Variants in LMCD1 observed in about 807,000 individuals in gnomAD.
LMCD1 encodes the protein LIM and cysteine rich domains 1.
A neutral mutation model predicts 42.7 loss-of-function variants in LMCD1; 32 were observed. That is an observed-to-expected ratio of 0.75 (90% CI 0.57 to 1.01). LMCD1 has a LOEUF of 1.01. Ranked by LOEUF, LMCD1 falls within the 50% of genes least tolerant of loss-of-function variation. The probability of loss-of-function intolerance (pLI) is 0.00; values close to 1 mark genes in which losing one functional copy is unlikely to be tolerated. For synonymous variants in LMCD1, 178 were observed against 184.9 expected (o/e 0.96, Z 0.30); for missense variants, 458 against 483.1 (o/e 0.95, Z 0.49).
At chr3:8,541,848 T>G (rs2125027851) in intron 3 of LMCD1, among the ~76,000 whole-genome samples, 1 of 152,138 alleles carries the variant, frequency 6.6e-6, no homozygotes, top group South Asian at 2.1e-4. Context: ...AGGGCTGTGT[T>G]AAGAGGGATT....
chr3:8,519,373 AT>A (rs1694158036), intron 1 of LMCD1, among the ~76,000 whole-genome samples: 1 of 152,214 alleles, frequency 6.6e-6, no homozygotes, highest in African/African-American at 2.4e-5. Context: ...CCTGGGACAT[AT>A]GGTTAAATGA....
At chr3:8,508,937 A>C (rs570586416) in intron 1 of LMCD1, among the ~76,000 whole-genome samples, 1 of 152,300 alleles carries the variant, frequency 6.6e-6, no homozygotes, top group East Asian at 1.9e-4. Flanking sequence ...GAGCCGTTAA[A>C]CACACAACAT....
In LMCD1 at chr3:8,565,567, T is replaced by C; in HGVS notation, c.859T>C (p.Tyr287His). The C allele has an allele frequency of 1.2e-6, 2 of 1,614,098 alleles. No individual in the cohort carries two copies. Among genetic ancestry groups the C allele is most frequent in the Non-Finnish European group, 1.7e-6 (2 of 1,180,002 alleles). ...CTCCGAGCCGCTGGTGGACCTCATC[T>C]ACTTCTGGAAGGATGGTGCACCCTG... ...KCSEPLVDLI[Y>H]FWKDGAPWCG... Residue 287 changes from tyrosine to histidine, a missense_variant, in exon 5 of 6, where the codon TAC (tyrosine) becomes CAC (histidine). Coordinates refer to ENST00000157600, the MANE Select transcript of LMCD1 (RefSeq NM_014583.4).
At position 8,567,910 on chromosome 3, in the gene LMCD1, T is replaced by C. The variant is rs931427672; in HGVS notation, c.*312T>C. 1 of 194,564 alleles carries C rather than the reference T, an allele frequency of 5.1e-6. No homozygotes were observed. 12.1% of individuals were successfully genotyped at this position (194,564 alleles called of 1,614,324 possible). A position where few individuals can be genotyped will look rare whatever the true frequency, so the allele number is the denominator to read the frequency against. On this transcript the variant is annotated 3_prime_UTR_variant, in exon 6 of 6. Transcript: ENST00000157600. Reference sequence around the variant, plus strand: ...CACAAATGGCGTTCTGCAAGGGGACTCTGGGAGGAGTTTTCCAGAATGCAA... The same window carrying C: ...CACAAATGGCGTTCTGCAAGGGGACCCTGGGAGGAGTTTTCCAGAATGCAA...
intron 4 of LMCD1, among the ~76,000 whole-genome samples, chr3:8,559,971 C>T (rs1259956859): frequency 6.6e-6 from 1 of 152,212 alleles, no homozygotes; most frequent in Non-Finnish European, 1.5e-5. Flanking sequence ...CCAAGAGGGG[C>T]TTCACAAAGT....
intron 4 of LMCD1, among the ~76,000 whole-genome samples, chr3:8,557,411 T>C (rs1694946170): frequency 6.6e-6 from 1 of 152,240 alleles, no homozygotes; most frequent in African/African-American, 2.4e-5. Flanking sequence ...TACTGTATTG[T>C]AGTAGTGAGA....
rs527361712 is a variant in LMCD1 at position 8,537,321 on chromosome 3, G to A, written c.268G>A (p.Gly90Ser). 2.7e-5 allele frequency: 43 copies of A among 1,614,102 alleles called. No individual in the cohort carries two copies. The highest frequency in any genetic ancestry group is 4.5e-5 in the East Asian group (2 of 44,858). Residue 90 changes from glycine (G) to serine (S), a missense_variant, in exon 3 of 6, where the codon GGC becomes AGC. Physicochemically the swap from Gly to Ser is moderately conservative, Grantham distance 56. Coordinates refer to ENST00000157600, the MANE Select transcript of LMCD1 (RefSeq NM_014583.4). ...CACTGCTCGGGTGAAAGGCGGGGAC[G>A]GCATCCGGATTTACAAGAGGAACCG... ...TLTARVKGGD[G>S]IRIYKRNRMI...
rs376078726 is a variant in LMCD1, at chr3:8,544,410, C to T, written c.388-4158C>T. Among the ~76,000 whole-genome samples the T allele has an allele frequency of 2.6e-5, 4 of 152,288 alleles. No individual in the cohort carries two copies. The East Asian group carries it at 5.8e-4, about 22-fold the overall frequency. ...GGTGTGCAGACATACCTGGGATTAG[C>T]TGGGTATGCTGTGAGCTTACAGTGC... On this transcript the variant is annotated intron_variant, in intron 3 of 5. Coordinates refer to ENST00000157600, the MANE Select transcript of LMCD1 (RefSeq NM_014583.4).
intron 4 of LMCD1, among the ~76,000 whole-genome samples, chr3:8,553,560 A>T (rs9810945): frequency 0.029 from 4,414 of 152,204 alleles, 242 homozygotes; most frequent in African/African-American, 0.1. Context: ...AGTGAGCAGA[A>T]TCTGACCCCA....
At chr3:8,502,304 A>AAAATATATAATATATATT (rs1693745852) in intron 1 of LMCD1, among the ~76,000 whole-genome samples, 4 of 12,360 alleles carry the variant, frequency 3.2e-4, no homozygotes, top group Non-Finnish European at 6.1e-4. Flanking sequence ...TATTATATAT[A>AAAATATATAATATATATT]ATATATAAAA....
intron 5 of LMCD1, 122 bp from the exon 6 acceptor site, chr3:8,567,318 C>A: frequency 3.0e-6 from 3 of 1,003,892 alleles, no homozygotes; most frequent in Non-Finnish European, 4.3e-6. Flanking sequence ...TCCACTAAGG[C>A]TTTAAAAGGT....
chr3:8,543,756 G>A (rs935913564), intron 3 of LMCD1, among the ~76,000 whole-genome samples: 5 of 152,150 alleles, frequency 3.3e-5, no homozygotes, highest in South Asian at 2.1e-4. Flanking sequence ...ATGTGCCACC[G>A]CTCCTGGCTT....
In LMCD1 at chr3:8,527,361, C is replaced by G. The variant is rs1284589256; in HGVS notation, c.43-5376C>G. On this transcript the variant is annotated intron_variant, in intron 1 of 5. Transcript: ENST00000157600. Reference sequence around the variant, plus strand: ...GCTTCTCCACTCTCAGACTCAAGGTCATTCATCATCTTTTGACTGGGAATA... The same window carrying G: ...GCTTCTCCACTCTCAGACTCAAGGTGATTCATCATCTTTTGACTGGGAATA... Among the ~76,000 whole-genome samples the G allele has an allele frequency of 2.0e-5, 3 of 152,160 alleles. No homozygotes were observed. The East Asian group carries it at 5.8e-4, about 29-fold the overall frequency.
Position 8,537,284 on chromosome 3 carries a change from G to A in LMCD1, c.231G>A (p.Lys77=), listed in dbSNP as rs1694527713. The A allele has an allele frequency of 6.2e-7, 1 of 1,614,156 alleles. No homozygotes were observed. The highest frequency in any genetic ancestry group is 1.3e-5 in the African/African-American group (1 of 75,040). Reference sequence around the variant, plus strand: ...TTGGCCGCTTGCTGATGGACTCCAAGTATTCCACCCTCACTGCTCGGGTGA... The same window carrying A: ...TTGGCCGCTTGCTGATGGACTCCAAATATTCCACCCTCACTGCTCGGGTGA... ...RKIGRLLMDS[K]YSTLTARVKG... The change falls in exon 3 of 6, where the codon AAG becomes AAA. Residue 77 remains lysine (K), a synonymous_variant. Coordinates refer to ENST00000157600, the MANE Select transcript of LMCD1 (RefSeq NM_014583.4).
chr3:8,534,025 A>G (rs538712298), intron 2 of LMCD1, among the ~76,000 whole-genome samples: 1 of 151,622 alleles, frequency 6.6e-6, no homozygotes, highest in South Asian at 2.1e-4. Flanking sequence ...AGTTCTCCAC[A>G]CTTACTATAT....
At chr3:8,528,222 C>T (rs1694335575) in intron 1 of LMCD1, among the ~76,000 whole-genome samples, 1 of 152,090 alleles carries the variant, frequency 6.6e-6, no homozygotes, top group Non-Finnish European at 1.5e-5. Context: ...TTCTAGGGGG[C>T]CGGGGGGACA....
At chr3:8,546,445 A>G (rs1207424583) in intron 3 of LMCD1, among the ~76,000 whole-genome samples, 1 of 152,158 alleles carries the variant, frequency 6.6e-6, no homozygotes, top group African/African-American at 2.4e-5. Context: ...TAGCCACCCT[A>G]GGGTTTACGA....
At position 8,542,448 on chromosome 3, in the gene LMCD1, G is replaced by A. The variant is rs1470740696; in HGVS notation, c.387+5008G>A. On this transcript the variant is annotated intron_variant, in intron 3 of 5. Coordinates refer to ENST00000157600, the MANE Select transcript of LMCD1 (RefSeq NM_014583.4). ...AGAGCCGTGAAAGGACACCGTGAACGCAGGGGTCAACTAACATCTGGCTGG... is the reference window on the plus strand; with the variant it reads ...AGAGCCGTGAAAGGACACCGTGAACACAGGGGTCAACTAACATCTGGCTGG... 4.6e-5 allele frequency among the ~76,000 whole-genome samples: 7 copies of A among 152,168 alleles called. 1 individual carries two copies. The South Asian group carries it at 8.3e-4, about 18-fold the overall frequency.
In LMCD1 at chr3:8,537,401, C is replaced by G. The variant is rs367730578; in HGVS notation, c.348C>G (p.Ile116Met). 1 of 1,608,236 alleles carries G rather than the reference C, an allele frequency of 6.2e-7. No homozygotes were observed. Among genetic ancestry groups the G allele is most frequent in the South Asian group, 1.1e-5 (1 of 90,644 alleles). Reference sequence around the variant, plus strand: ...GGAAAGATCCCACTTTTGACACCATCACCTACGAGTGGGCTCCCCCTGGAG... The same window carrying G: ...GGAAAGATCCCACTTTTGACACCATGACCTACGAGTGGGCTCCCCCTGGAG... ...ATGKDPTFDT[I>M]TYEWAPPGVT... Residue 116 changes from isoleucine (I) to methionine (M), a missense_variant, in exon 3 of 6, where the codon ATC (isoleucine) becomes ATG (methionine). Transcript: ENST00000157600.
Sources: gnomAD v4.1 joint callset for allele counts (sites outside exome capture counted in the v4.1 genomes callset) on GRCh38, gnomAD v4.1.1 for gene constraint, MANE v1.5 for transcripts, NCBI Gene and HGNC (gene_info 2026-07-23, HGNC 2026-07-21) for gene names.